The following NSUN6 variants were observed in gnomAD, a reference collection of about 807,000 sequenced individuals.
NSUN6 encodes the protein tRNA (cytosine(72)-C(5))-methyltransferase NSUN6.
Under a neutral mutation model 58.0 loss-of-function variants are expected in NSUN6, and 64 were observed. That is an observed-to-expected ratio of 1.10 (90% CI 0.90 to 1.36). The LOEUF (loss-of-function observed/expected upper bound fraction) is 1.36. Among genes scored for constraint, NSUN6 ranks in the 40% most tolerant of loss-of-function variants. The probability of loss-of-function intolerance (pLI) is 0.00; values close to 1 mark genes in which losing one functional copy is unlikely to be tolerated. For missense variants in NSUN6, 701 were observed against 550.1 expected (o/e 1.27, Z -2.74); for synonymous variants, 231 against 193.9 (o/e 1.19, Z -1.59).
At chr10:18,606,639 G>A (rs1028753897) in intron 6 of NSUN6, among the ~76,000 whole-genome samples, 3 of 152,060 alleles carry the variant, frequency 2.0e-5, no homozygotes, top group Non-Finnish European at 4.4e-5. Flanking sequence ...GGAGAAACTG[G>A]GTGAAGGGTA....
intron 8 of NSUN6, among the ~76,000 whole-genome samples, chr10:18,577,025 T>A (rs555261424): frequency 2.0e-5 from 3 of 152,242 alleles, no homozygotes; most frequent in East Asian, 1.9e-4. Flanking sequence ...GCTGCAGGAT[T>A]TGAGTCAATA....
At chr10:18,643,905 AC>A (rs1182253374) in intron 2 of NSUN6, among the ~76,000 whole-genome samples, 3 of 152,116 alleles carry the variant, frequency 2.0e-5, no homozygotes, top group Non-Finnish European at 4.4e-5. Flanking sequence ...TATAAATAAA[AC>A]CCATAAAACC....
intron 8 of NSUN6, among the ~76,000 whole-genome samples, chr10:18,582,405 T>G (rs926012033): frequency 5.9e-5 from 9 of 152,142 alleles, no homozygotes; most frequent in Non-Finnish European, 1.2e-4. Flanking sequence ...AGCACACTCT[T>G]GAAAATAACG....
chr10:18,652,300 T>C (rs1015139737), upstream of NSUN6: 5 of 984,644 alleles, frequency 5.1e-6, no homozygotes, highest in Non-Finnish European at 2.4e-6. Context: ...CACTGAGTCA[T>C]TTTATAACTG....
At chr10:18,607,407 A>G (rs1277954148) in intron 6 of NSUN6, among the ~76,000 whole-genome samples, 1 of 152,230 alleles carries the variant, frequency 6.6e-6, no homozygotes, top group East Asian at 1.9e-4. Context: ...AGAAATGAAT[A>G]TCACCTGGTT....
intron 8 of NSUN6, among the ~76,000 whole-genome samples, chr10:18,560,984 T>C (rs982677667): frequency 7.2e-6 from 1 of 138,136 alleles, no homozygotes; most frequent in African/African-American, 2.8e-5. Context: ...TGGAGAATGG[T>C]ATGGAGTGGA....
At chr10:18,586,263 A>C (rs1416498637) in intron 7 of NSUN6, among the ~76,000 whole-genome samples, 170 bp from the exon 8 acceptor site, 2 of 152,218 alleles carry the variant, frequency 1.3e-5, no homozygotes, top group African/African-American at 2.4e-5. Flanking sequence ...TCTGGAATTT[A>C]TTCCTTCTGG....
Position 18,628,317 on chromosome 10 carries a change from G to A in NSUN6, c.312-12024C>T, listed in dbSNP as rs545602272. Among the ~76,000 whole-genome samples the A allele has an allele frequency of 4.7e-3, 723 of 152,284 alleles. 8 individuals carry two copies. The highest frequency in any genetic ancestry group is 7.0e-3 in the Non-Finnish European group (479 of 67,998). ...ACAAAGATGGGGAAAAAACAGAGCAGAAAAACTGGAAACTCTAAAAAGCAG... is the reference window on the plus strand; with the variant it reads ...ACAAAGATGGGGAAAAAACAGAGCAAAAAAACTGGAAACTCTAAAAAGCAG... On this transcript the variant is annotated intron_variant, in intron 3 of 10. Coordinates refer to ENST00000377304, the MANE Select transcript of NSUN6 (RefSeq NM_182543.5).
At chr10:18,636,432 G>A (rs141456462) in intron 3 of NSUN6, among the ~76,000 whole-genome samples, 20,473 of 151,112 alleles carry the variant, frequency 0.14, 1,514 homozygotes, top group Middle Eastern at 0.23. Flanking sequence ...AGGCCAAGGA[G>A]GGTGGATCAC....
intron 6 of NSUN6, among the ~76,000 whole-genome samples, chr10:18,607,026 A>C (rs1368406358): frequency 6.6e-6 from 1 of 152,244 alleles, no homozygotes; most frequent in East Asian, 1.9e-4. Flanking sequence ...CTGTTAGAGA[A>C]GCATGGATAC....
intron 3 of NSUN6, among the ~76,000 whole-genome samples, chr10:18,617,158 C>A (rs1328746729): frequency 6.6e-6 from 1 of 151,522 alleles, no homozygotes; most frequent in African/African-American, 2.4e-5. Flanking sequence ...AAAAACAATC[C>A]ACAAATTCTA....
At chr10:18,625,127 A>G (rs1384399344) in intron 3 of NSUN6, among the ~76,000 whole-genome samples, 2 of 152,072 alleles carry the variant, frequency 1.3e-5, no homozygotes, top group African/African-American at 4.8e-5. Flanking sequence ...GTTTCTTCCA[A>G]ACTTCACCCC....
upstream of NSUN6, chr10:18,658,609 CTA>C (rs2131630554): frequency 1.1e-6 from 1 of 934,880 alleles, no homozygotes; most frequent in Admixed American, 6.2e-5. Context: ...GAGAGGGGTG[CTA>C]TGTGTTATTA....
Position 18,545,956 on chromosome 10 carries a change from AT to A in NSUN6, c.1386del (p.Lys462AsnfsTer3), listed in dbSNP as rs749390056. ...TCCTATGTGCTTTTGCATTTTACAA[AT>A]TTTGCAATAAAAAAACCTATAGAGT... ...NKDSIGFFIA[K>X]FVKCKST On this transcript the variant is annotated frameshift_variant, in exon 11 of 11. Transcript: ENST00000377304. LOFTEE classifies it high-confidence loss of function. The A allele has an allele frequency of 1.3e-6, 2 of 1,581,554 alleles. No individual in the cohort carries two copies. The highest frequency in any genetic ancestry group is 1.4e-5 in the African/African-American group (1 of 72,422).
chr10:18,622,574 C>T (rs1313640174), intron 3 of NSUN6, among the ~76,000 whole-genome samples: 1 of 152,094 alleles, frequency 6.6e-6, no homozygotes, highest in Non-Finnish European at 1.5e-5. Flanking sequence ...ATTAGCTCAG[C>T]GTGGTGGCAG....
intron 3 of NSUN6, among the ~76,000 whole-genome samples, chr10:18,640,530 G>T (rs1016114730): frequency 6.6e-6 from 1 of 152,174 alleles, no homozygotes; most frequent in Non-Finnish European, 1.5e-5. Flanking sequence ...CCAAAGATCT[G>T]TGATTATGGT....
rs533760228 is a variant in NSUN6, at chr10:18,546,745, G to A, written c.1198-600C>T. Among the ~76,000 whole-genome samples the A allele has an allele frequency of 9.2e-5, 14 of 152,146 alleles. No homozygotes were observed. In the East Asian group the frequency reaches 2.5e-3, roughly 27 times the overall value. ...ATACAAAAATTAGCCAGGTGTGGTG[G>A]TGCATGCCTGTAATCCCAGTTACTT... On this transcript the variant is annotated intron_variant, in intron 10 of 10. Coordinates refer to ENST00000377304, the MANE Select transcript of NSUN6 (RefSeq NM_182543.5).
At chr10:18,646,997 G>T (rs1214339187) in intron 2 of NSUN6, among the ~76,000 whole-genome samples, 11 of 152,120 alleles carry the variant, frequency 7.2e-5, no homozygotes, top group African/African-American at 2.7e-4. Context: ...CTCTCAATAA[G>T]ATTATCACTA....
At chr10:18,642,621 T>C (rs938224737) in intron 2 of NSUN6, 66 bp from the exon 3 acceptor site, 12 of 790,460 alleles carry the variant, frequency 1.5e-5, no homozygotes, top group Non-Finnish European at 2.2e-5. Flanking sequence ...TATGGAACTT[T>C]TCAGTATCAT....
Sources: allele counts gnomAD v4.1 joint callset (sites outside exome capture counted in the v4.1 genomes callset), GRCh38; gene constraint gnomAD v4.1.1; transcripts MANE v1.5; gene names NCBI Gene and HGNC (gene_info 2026-07-23, HGNC 2026-07-21).